The following DACH1 variants were observed in gnomAD, a reference collection of about 807,000 sequenced individuals.
DACH1 encodes dachshund homolog 1.
A neutral mutation model predicts 54.2 loss-of-function variants in DACH1; 12 were observed. That is an observed-to-expected ratio of 0.22 (90% CI 0.14 to 0.36). The LOEUF is 0.36. DACH1 is among the 10% of genes least tolerant of loss of function. The probability of loss-of-function intolerance (pLI) is 1.00; values close to 1 mark genes in which losing one functional copy is unlikely to be tolerated. For missense variants in DACH1, 805 were observed against 929.8 expected (o/e 0.87, Z 1.75); for synonymous variants, 386 against 366.2 (o/e 1.05, Z -0.62).
chr13:71,620,010 G>GT (rs1876103373), intron 3 of DACH1, among the ~76,000 whole-genome samples: 1 of 151,840 alleles, frequency 6.6e-6, no homozygotes, highest in African/African-American at 2.4e-5. Flanking sequence ...TTTAAAACTG[G>GT]TAACTGTAGG....
At chr13:71,538,868 A>G (rs1882967364) in intron 6 of DACH1, among the ~76,000 whole-genome samples, 1 of 152,056 alleles carries the variant, frequency 6.6e-6, no homozygotes, top group Admixed American at 6.6e-5. Flanking sequence ...ATTTCGTTTC[A>G]TATTTCTTGT....
At chr13:71,503,856 A>T (rs1296574511) in intron 6 of DACH1, among the ~76,000 whole-genome samples, 1 of 152,208 alleles carries the variant, frequency 6.6e-6, no homozygotes, top group Non-Finnish European at 1.5e-5. Flanking sequence ...TTTTCCTTTA[A>T]AACTAACTGT....
At chr13:71,572,641 A>G (rs1885283010) in intron 4 of DACH1, among the ~76,000 whole-genome samples, 199 bp downstream of exon 4, 1 of 152,128 alleles carries the variant, frequency 6.6e-6, no homozygotes, top group Non-Finnish European at 1.5e-5. Context: ...TAATAGATAT[A>G]TAGAGAATTT....
At chr13:71,442,190 A>G (rs1221673458) in intron 10 of DACH1, among the ~76,000 whole-genome samples, 3 of 151,948 alleles carry the variant, frequency 2.0e-5, no homozygotes, top group Non-Finnish European at 2.9e-5. Flanking sequence ...CACTCTCCTC[A>G]CTAACCTTCC....
intron 1 of DACH1, among the ~76,000 whole-genome samples, chr13:71,778,541 A>G (rs1886168544): frequency 6.6e-6 from 1 of 151,376 alleles, no homozygotes; most frequent in Non-Finnish European, 1.5e-5. Flanking sequence ...ATTTAAGTTG[A>G]AAAATCTAGT....
intron 1 of DACH1, among the ~76,000 whole-genome samples, chr13:71,719,610 CA>C (rs1266798379): frequency 1.3e-5 from 2 of 152,074 alleles, no homozygotes; most frequent in African/African-American, 4.8e-5. Flanking sequence ...TTCTTTCCAT[CA>C]AAAACAGATT....
intron 3 of DACH1, among the ~76,000 whole-genome samples, chr13:71,585,020 T>G (rs1873131736): frequency 6.6e-6 from 1 of 152,144 alleles, no homozygotes; most frequent in South Asian, 2.1e-4. Flanking sequence ...TGTATATATT[T>G]GAATCATAGA....
intron 1 of DACH1, among the ~76,000 whole-genome samples, chr13:71,725,766 C>T (rs1338128710): frequency 6.6e-6 from 1 of 151,902 alleles, no homozygotes; most frequent in Non-Finnish European, 1.5e-5. Context: ...TTGGATATTG[C>T]TCTGAAAATA....
At chr13:71,670,588 T>A (rs1159118062) in intron 2 of DACH1, among the ~76,000 whole-genome samples, 3 of 152,066 alleles carry the variant, frequency 2.0e-5, no homozygotes, top group African/African-American at 7.2e-5. Context: ...GCAAAATCTA[T>A]AGAGTATATG....
chr13:71,770,360 T>C (rs1885802129), intron 1 of DACH1, among the ~76,000 whole-genome samples: 1 of 151,620 alleles, frequency 6.6e-6, no homozygotes, highest in Non-Finnish European at 1.5e-5. Flanking sequence ...TTTAAAATAT[T>C]TGGCTCTTAA....
At chr13:71,585,722 G>A (rs1031345581) in intron 3 of DACH1, among the ~76,000 whole-genome samples, 4 of 152,074 alleles carry the variant, frequency 2.6e-5, no homozygotes, top group Non-Finnish European at 5.9e-5. Context: ...GATGAGTTTG[G>A]TCATCATCTT....
chr13:71,646,756 G>A (rs981027035), intron 2 of DACH1, among the ~76,000 whole-genome samples: 2 of 152,152 alleles, frequency 1.3e-5, no homozygotes, highest in African/African-American at 2.4e-5. Context: ...TTGTGATAAT[G>A]ATAAGAATGC....
intron 1 of DACH1, among the ~76,000 whole-genome samples, chr13:71,779,689 G>A (rs1886284885): frequency 1.3e-5 from 2 of 152,016 alleles, no homozygotes; most frequent in African/African-American, 4.8e-5. Flanking sequence ...GGAGATACTT[G>A]CTACCTCTCC....
chr13:71,797,516 C>A (rs376276755), intron 1 of DACH1, among the ~76,000 whole-genome samples: 1 of 152,030 alleles, frequency 6.6e-6, no homozygotes, highest in South Asian at 2.1e-4. Context: ...AATGTTTTTG[C>A]CGAACAAAAC....
chr13:71,835,717 G>T (rs1048421904), intron 1 of DACH1, among the ~76,000 whole-genome samples: 23 of 151,832 alleles, frequency 1.5e-4, no homozygotes, highest in Non-Finnish European at 7.4e-5. Context: ...GTCCTAGTTC[G>T]GCTAATTAAT....
At chr13:71,864,021 A>G (rs1458712632) in intron 1 of DACH1, among the ~76,000 whole-genome samples, 2 of 151,928 alleles carry the variant, frequency 1.3e-5, no homozygotes, top group East Asian at 3.9e-4. Flanking sequence ...CCTGATTCAA[A>G]TAGTTTTAAT....
chr13:71,654,596 T>C (rs1878961626), intron 2 of DACH1, among the ~76,000 whole-genome samples: 2 of 151,924 alleles, frequency 1.3e-5, no homozygotes, highest in Admixed American at 1.3e-4. Context: ...TACTGTACTA[T>C]AAGTGGGCCT....
intron 1 of DACH1, among the ~76,000 whole-genome samples, chr13:71,748,874 CTT>C (rs201954828): frequency 5.2e-3 from 105 of 20,202 alleles, no homozygotes; most frequent in Middle Eastern, 0.031. Context: ...TTCTTTCTTT[CTT>C]TCTTTCTTTC....
chr13:71,486,048 ATCT>A (rs1386709372), intron 7 of DACH1, among the ~76,000 whole-genome samples: 4 of 151,994 alleles, frequency 2.6e-5, no homozygotes, highest in South Asian at 4.1e-4. Flanking sequence ...TTTTCTATAG[ATCT>A]TCTTTTAAAA....
Sources: gnomAD v4.1 joint callset for allele counts (sites outside exome capture counted in the v4.1 genomes callset) on GRCh38, gnomAD v4.1.1 for gene constraint, MANE v1.5 for transcripts, NCBI Gene and HGNC (gene_info 2026-07-23, HGNC 2026-07-21) for gene names.